Variants in STARD9 observed in about 807,000 individuals in gnomAD.
STARD9 encodes stAR-related lipid transfer protein 9.
In STARD9, 346 loss-of-function variants were observed where a neutral mutation model predicts 399.8. That is an observed-to-expected ratio of 0.87 (90% confidence interval 0.79 to 0.95). The LOEUF (loss-of-function observed/expected upper bound fraction) is 0.95. Ranked by LOEUF, STARD9 falls within the 40% of genes least tolerant of loss-of-function variation. STARD9 has a pLI of 0.00. For missense variants in STARD9, 5,832 were observed against 5,667.5 expected (o/e 1.03, Z -0.93); for synonymous variants, 2,203 against 2,143.5 (o/e 1.03, Z -0.77).
rs1016380263 is a variant in STARD9, at chr15:42,681,311, C to T, written c.1875-111C>T. 3 of 1,153,464 alleles carry T rather than the reference C, an allele frequency of 2.6e-6. No individual in the cohort carries two copies. The African/African-American group carries it at 4.7e-5, about 18-fold the overall frequency. 71.5% of individuals were successfully genotyped at this position (1,153,464 alleles called of 1,614,324 possible). A position where few individuals can be genotyped will look rare whatever the true frequency, so the allele number is the denominator to read the frequency against. The stretch of plus-strand genomic sequence containing the variant: ...AAGGTTGCCAGAAGTCCAAAGCACT[C>T]TCTACCCTGTTGATTGCAGGGGCTC... On this transcript the variant is annotated intron_variant, in intron 20 of 32. Coordinates refer to ENST00000290607, the MANE Select transcript of STARD9 (RefSeq NM_020759.3).
chr15:42,582,566 G>T (rs1389712344), intron 1 of STARD9, among the ~76,000 whole-genome samples: 1 of 152,296 alleles, frequency 6.6e-6, no homozygotes, highest in Non-Finnish European at 1.5e-5. Flanking sequence ...AAGGATTTGA[G>T]AAATATATTC....
chr15:42,670,450 C>T (rs764305899), intron 16 of STARD9: 3 of 152,228 alleles, frequency 2.0e-5, no homozygotes, highest in Non-Finnish European at 4.4e-5. Context: ...TAGATAGAGT[C>T]TTTTATCTTG....
At chr15:42,651,127 CTCCTA>C (rs1213795435) in intron 8 of STARD9, 42 bp downstream of exon 8, 3 of 1,367,978 alleles carry the variant, frequency 2.2e-6, no homozygotes, top group Non-Finnish European at 3.0e-6. Flanking sequence ...TATCCTCACA[CTCCTA>C]TCCTGTGTTC....
At chr15:42,612,007 C>T (rs529650016) in intron 3 of STARD9, among the ~76,000 whole-genome samples, 5 of 152,182 alleles carry the variant, frequency 3.3e-5, no homozygotes, top group Admixed American at 1.3e-4. Flanking sequence ...CTCACTCTGT[C>T]GTCCAGGCTG....
At chr15:42,604,015 C>T (rs918906560) in intron 3 of STARD9, among the ~76,000 whole-genome samples, 1 of 152,126 alleles carries the variant, frequency 6.6e-6, no homozygotes, top group Non-Finnish European at 1.5e-5. Context: ...GGTCTGGTCC[C>T]CATGCAAGGA....
intron 3 of STARD9, among the ~76,000 whole-genome samples, chr15:42,617,558 T>C (rs1229824328): frequency 6.6e-6 from 1 of 152,158 alleles, no homozygotes; most frequent in Non-Finnish European, 1.5e-5. Flanking sequence ...AAGCGACTCC[T>C]GTGTACATAA....
intron 26 of STARD9, among the ~76,000 whole-genome samples, chr15:42,713,759 C>A (rs1343800380): frequency 1.3e-5 from 2 of 152,062 alleles, no homozygotes; most frequent in Non-Finnish European, 1.5e-5. Context: ...GATATATGAT[C>A]TTTTATGTGT....
chr15:42,687,586 A>T lies in STARD9; in HGVS notation c.6008A>T (p.Tyr2003Phe), dbSNP rs769663277. ...EFKLPGTKPA[Y>F]ERFQLVACPQ... The stretch of plus-strand genomic sequence containing the variant: ...AAGCTTCCAGGTACAAAGCCTGCAT[A>T]TGAAAGGTTCCAGTTAGTTGCATGC... Residue 2003 changes from tyrosine to phenylalanine, a missense_variant, in exon 23 of 33, where the codon TAT becomes TTT. Transcript: ENST00000290607. 11 of 1,537,020 alleles carry T rather than the reference A, an allele frequency of 7.2e-6. No individual in the cohort carries two copies. In the African/African-American group the frequency reaches 1.4e-4, roughly 19 times the overall value.
chr15:42,581,592 C>G, intron 1 of STARD9: 4 of 772,434 alleles, frequency 5.2e-6, no homozygotes, highest in South Asian at 1.6e-5. Flanking sequence ...TCTGCGCACT[C>G]CTCGCTCGCT....
intron 3 of STARD9, among the ~76,000 whole-genome samples, chr15:42,593,654 C>CCTT (rs2058444692): frequency 1.5e-5 from 1 of 66,890 alleles, no homozygotes; most frequent in East Asian, 6.0e-4. Context: ...GGTTGTGCTT[C>CCTT]TTTTTTTTTT....
intron 26 of STARD9, 138 bp from the exon 27 acceptor site, chr15:42,716,539 G>A (rs932877414): frequency 1.3e-5 from 8 of 620,236 alleles, no homozygotes; most frequent in Admixed American, 5.2e-5. Flanking sequence ...GGGGGACATC[G>A]AGCCTCTTGT....
chr15:42,619,732 A>G (rs983096910), intron 3 of STARD9, among the ~76,000 whole-genome samples: 2 of 152,176 alleles, frequency 1.3e-5, no homozygotes, highest in African/African-American at 4.8e-5. Context: ...ATGAAGCTTT[A>G]CTTGCTCCTC....
chr15:42,711,463 C>T (rs117701906), intron 26 of STARD9, among the ~76,000 whole-genome samples: 12 of 152,276 alleles, frequency 7.9e-5, no homozygotes, highest in African/African-American at 1.2e-4. Flanking sequence ...CTTATAAGGA[C>T]ATTAGTCATT....
chr15:42,718,710 C>T, intron 31 of STARD9, 42 bp from the exon 32 acceptor site: 2 of 1,530,020 alleles, frequency 1.3e-6, no homozygotes, highest in East Asian at 2.5e-5. Context: ...CCTGTTTTGT[C>T]CACACTACAC....
intron 6 of STARD9, 33 bp from the exon 7 acceptor site, chr15:42,638,667 A>G: frequency 2.1e-6 from 3 of 1,421,782 alleles, no homozygotes; most frequent in East Asian, 5.0e-5. Context: ...TTTTCAAAAT[A>G]TAATTATGTT....
At chr15:42,696,558 A>G (rs182452526) in intron 26 of STARD9, among the ~76,000 whole-genome samples, 1 of 152,342 alleles carries the variant, frequency 6.6e-6, no homozygotes, top group East Asian at 1.9e-4. Flanking sequence ...AAGGCTGCTG[A>G]AAGTAATAGA....
At chr15:42,658,785 C>A (rs149523574) in intron 9 of STARD9, among the ~76,000 whole-genome samples, 144 of 150,296 alleles carry the variant, frequency 9.6e-4, no homozygotes, top group African/African-American at 3.4e-3. Context: ...TGCCTGGCCC[C>A]TTTTGCACTT....
At chr15:42,710,382 A>AT (rs1484240188) in intron 26 of STARD9, among the ~76,000 whole-genome samples, 1 of 151,772 alleles carries the variant, frequency 6.6e-6, no homozygotes, top group Non-Finnish European at 1.5e-5. Context: ...TCTTTAATTG[A>AT]TTTTTTTATT....
At chr15:42,676,013 G>A in intron 20 of STARD9, 38 bp downstream of exon 20, 5 of 1,436,866 alleles carry the variant, frequency 3.5e-6, no homozygotes, top group Non-Finnish European at 4.7e-6. Flanking sequence ...GGAACCTACT[G>A]GGTTCGCTTC....
Sources: allele counts gnomAD v4.1 joint callset (sites outside exome capture counted in the v4.1 genomes callset), GRCh38; gene constraint gnomAD v4.1.1; transcripts MANE v1.5; gene names NCBI Gene and HGNC (gene_info 2026-07-23, HGNC 2026-07-21).